SCN1A: variants seen among roughly 807,000 people sequenced by gnomAD.
The protein encoded by SCN1A is sodium voltage-gated channel alpha subunit 1, also known as sodium channel protein type 1 subunit alpha.
Under a neutral mutation model 193.7 loss-of-function variants are expected in SCN1A, and 13 were observed. The ratio of observed to expected loss-of-function variants is 0.07; its 90% CI spans 0.04 to 0.11. The LOEUF (loss-of-function observed/expected upper bound fraction) is 0.11, where lower values mean the gene tolerates loss of function less well. Ranked by LOEUF, SCN1A falls within the 10% of genes least tolerant of loss-of-function variation. The probability of loss-of-function intolerance (pLI) is 1.00; values close to 1 mark genes in which losing one functional copy is unlikely to be tolerated. For missense variants in SCN1A, 1,432 were observed against 2,451.1 expected (o/e 0.58, Z 8.78); for synonymous variants, 781 against 843.6 (o/e 0.93, Z 1.29).
chr2:166,004,678 A>T (rs1691409585), intron 23 of SCN1A, among the ~76,000 whole-genome samples: 1 of 151,494 alleles, frequency 6.6e-6, no homozygotes, highest in African/African-American at 2.4e-5. Flanking sequence ...TTCCAGTTTT[A>T]ACTTCCCTGG....
intron 5 of SCN1A, among the ~76,000 whole-genome samples, chr2:166,057,420 C>T (rs911768741): frequency 1.3e-5 from 2 of 151,876 alleles, no homozygotes; most frequent in African/African-American, 4.8e-5. Flanking sequence ...TAAGGCCTTA[C>T]TAAGCTCTAG....
At chr2:165,985,311 G>C (rs1336089771), downstream of SCN1A, 1 of 150,514 alleles carries the variant, frequency 6.6e-6, no homozygotes, top group East Asian at 2.0e-4. Flanking sequence ...GGGAGAGAGG[G>C]AGGAAGGGAG....
At chr2:166,035,934 T>TAAA in intron 19 of SCN1A, 114 bp downstream of exon 19, 1 of 1,069,604 alleles carries the variant, frequency 9.3e-7, no homozygotes. Context: ...TATCATAAAG[T>TAAA]AAAAAAAAAA....
chr2:166,079,936 AAATT>A (rs1404933086), intron 2 of SCN1A, among the ~76,000 whole-genome samples: 2 of 151,390 alleles, frequency 1.3e-5, no homozygotes, highest in Non-Finnish European at 1.5e-5. Context: ...ACCTAAAAAT[AAATT>A]ATGTTATATT....
intron 1 of SCN1A, among the ~76,000 whole-genome samples, chr2:166,135,926 TGC>T (rs1691838244): frequency 6.6e-6 from 1 of 152,182 alleles, no homozygotes; most frequent in Non-Finnish European, 1.5e-5. Flanking sequence ...GGGATAGAGG[TGC>T]TAGGCAGCGG....
At chr2:166,115,386 C>T (rs1300234362) in intron 2 of SCN1A, among the ~76,000 whole-genome samples, 1 of 151,936 alleles carries the variant, frequency 6.6e-6, no homozygotes, top group East Asian at 1.9e-4. Context: ...AAAAAGAATA[C>T]CTCAAAATGA....
intron 2 of SCN1A, among the ~76,000 whole-genome samples, chr2:166,123,082 GA>G (rs1690785810): frequency 6.6e-6 from 1 of 151,440 alleles, no homozygotes; most frequent in South Asian, 2.1e-4. Context: ...AGCAAATAGT[GA>G]AAAAAATATA....
chr2:166,072,840 T>TTC (rs1553560456), intron 4 of SCN1A, among the ~76,000 whole-genome samples: 1 of 123,064 alleles, frequency 8.1e-6, no homozygotes, highest in African/African-American at 4.6e-5. Flanking sequence ...CTTCTTTCTT[T>TTC]TTTTTTTTTT....
intron 1 of SCN1A, among the ~76,000 whole-genome samples, chr2:166,144,189 C>G (rs1248737675): frequency 2.0e-5 from 3 of 152,174 alleles, no homozygotes; most frequent in Admixed American, 6.5e-5. Flanking sequence ...AACTACATAG[C>G]AATAACAATA....
At chr2:166,065,057 C>T (rs1192745508) in intron 4 of SCN1A, among the ~76,000 whole-genome samples, 1 of 152,184 alleles carries the variant, frequency 6.6e-6, no homozygotes. Flanking sequence ...ACATATATTT[C>T]TAGACCCACA....
chr2:165,997,077 TA>T, intron 26 of SCN1A, among the ~76,000 whole-genome samples: 1 of 151,352 alleles, frequency 6.6e-6, no homozygotes, highest in East Asian at 1.9e-4. Context: ...TTTGAGTAGT[TA>T]TATTACTCTA....
intron 23 of SCN1A, among the ~76,000 whole-genome samples, chr2:166,005,596 G>A (rs1691547680): frequency 6.6e-6 from 1 of 151,220 alleles, no homozygotes; most frequent in Non-Finnish European, 1.5e-5. Flanking sequence ...ACAGTATTGG[G>A]GAGTTTATTA....
intron 2 of SCN1A, among the ~76,000 whole-genome samples, chr2:166,087,725 G>A (rs1361233379): frequency 6.6e-6 from 1 of 151,968 alleles, no homozygotes; most frequent in Non-Finnish European, 1.5e-5. Context: ...TAAGAAACAT[G>A]GTCTATACAG....
chr2:166,050,526 T>C (rs545020114), intron 9 of SCN1A, among the ~76,000 whole-genome samples: 3 of 81,714 alleles, frequency 3.7e-5, no homozygotes, highest in South Asian at 3.9e-4. Context: ...GAGCTGGTGA[T>C]TGAAGTGGAC....
chr2:166,123,065 G>A (rs1690783095), intron 2 of SCN1A, among the ~76,000 whole-genome samples: 2 of 152,056 alleles, frequency 1.3e-5, no homozygotes, highest in South Asian at 2.1e-4. Context: ...AACTGAGAAT[G>A]AGGGGAAGCA....
chr2:166,009,218 T>TGC, intron 23 of SCN1A: 1 of 151,334 alleles, frequency 6.6e-6, no homozygotes, highest in Non-Finnish European at 1.5e-5. Context: ...TAATCTTGAA[T>TGC]ATATTCAAAT....
intron 19 of SCN1A, among the ~76,000 whole-genome samples, chr2:166,019,763 C>A (rs1025928654): frequency 2.6e-5 from 4 of 152,104 alleles, no homozygotes; most frequent in Non-Finnish European, 5.9e-5. Context: ...GAATGACTAA[C>A]AAACATTTGG....
At chr2:166,071,557 G>T (rs1325181880) in intron 4 of SCN1A, 1 of 151,518 alleles carries the variant, frequency 6.6e-6, no homozygotes, top group Non-Finnish European at 1.5e-5. Flanking sequence ...TTTGTAGATG[G>T]TGTAACATTA....
At chr2:166,097,035 T>C (rs1193119599) in intron 2 of SCN1A, among the ~76,000 whole-genome samples, 1 of 152,138 alleles carries the variant, frequency 6.6e-6, no homozygotes, top group Non-Finnish European at 1.5e-5. Flanking sequence ...GTTTTTGTGT[T>C]TTTGGAGACG....
Sources: gnomAD v4.1 joint callset for allele counts (sites outside exome capture counted in the v4.1 genomes callset) on GRCh38, gnomAD v4.1.1 for gene constraint, MANE v1.5 for transcripts, NCBI Gene and HGNC (gene_info 2026-07-23, HGNC 2026-07-21) for gene names.